TECTA: variants seen among roughly 807,000 people sequenced by gnomAD.
The protein encoded by TECTA is tectorin alpha.
Under a neutral mutation model 216.8 loss-of-function variants are expected in TECTA, and 128 were observed. The observed-to-expected ratio is 0.59, with a 90% CI of 0.51 to 0.68. TECTA has a LOEUF of 0.68. Among genes scored for constraint, TECTA ranks in the 30% least tolerant of loss-of-function variants. TECTA has a pLI of 0.00. For synonymous variants in TECTA, 1,089 were observed against 1,117.1 expected (o/e 0.97, Z 0.50); for missense variants, 2,551 against 2,786.2 (o/e 0.92, Z 1.90).
Position 121,118,697 on chromosome 11 carries a change from A to G in TECTA, c.1182A>G (p.Lys394=). The G allele has an allele frequency of 6.2e-7, 1 of 1,613,874 alleles. No individual in the cohort carries two copies. Among genetic ancestry groups the G allele is most frequent in the Non-Finnish European group, 8.5e-7 (1 of 1,180,034 alleles). ...ATGGCTACAAGATTCTCATCCCCAA[A>G]GGAAGCTATGGAAGAGTCAAGGTGA... The part of the protein sequence containing the change: ...EVNGYKILIP[K]GSYGRVKVND... The change falls in exon 7 of 24, where the codon AAA becomes AAG. Residue 394 remains lysine, a synonymous_variant. Transcript: ENST00000392793.
At chr11:121,172,995 A>C (rs1273460829) in intron 20 of TECTA, among the ~76,000 whole-genome samples, 1 of 149,802 alleles carries the variant, frequency 6.7e-6, no homozygotes, top group Non-Finnish European at 1.5e-5. Flanking sequence ...TTCTTTTGAG[A>C]AGTGTCTGTT....
Position 121,158,006 on chromosome 11 carries a change from G to A in TECTA, c.4471G>A (p.Gly1491Ser), listed in dbSNP as rs727503463. 6.2e-6 allele frequency: 10 copies of A among 1,612,748 alleles called. No individual in the cohort carries two copies. The highest frequency in any genetic ancestry group is 2.7e-5 in the African/African-American group (2 of 74,924). The change falls in exon 14 of 24, where the codon GGC becomes AGC. Residue 1491 changes from glycine (G) to serine (S), a missense_variant. Transcript: ENST00000392793. ...CAAGACCTCCTACTGCCTGGCGGCCGGCGGCGGCGTCTTCCGCACCTTCGA... is the reference window on the plus strand; with the variant it reads ...CAAGACCTCCTACTGCCTGGCGGCCAGCGGCGGCGTCTTCCGCACCTTCGA... ...STKTSYCLAA[G>S]GGVFRTFDGA...
Position 121,113,217 on chromosome 11 carries a change from G to C in TECTA, c.624+8G>C. The C allele has an allele frequency of 1.9e-6, 3 of 1,613,884 alleles. No homozygotes were observed. The highest frequency in any genetic ancestry group is 2.5e-6 in the Non-Finnish European group (3 of 1,179,982). ...GGTGGAGTGATGGCACAGGTAGGTGGCTCTCCACTTCATCCCCCGCGTGTT... is the reference window on the plus strand; with the variant it reads ...GGTGGAGTGATGGCACAGGTAGGTGCCTCTCCACTTCATCCCCCGCGTGTT... On this transcript the variant is annotated splice_region_variant and intron_variant, in intron 5 of 23. Coordinates refer to ENST00000392793, the MANE Select transcript of TECTA (RefSeq NM_005422.4). This position sits in a 1 kb window ranked among gnomAD's most constrained non-coding sequence, Gnocchi z 4.2.
rs149546608 is a variant in TECTA at position 121,130,171 on chromosome 11, G to A, written c.2901G>A (p.Ala967=). Residue 967 remains alanine (A), a synonymous_variant, in exon 10 of 24, where the codon GCG becomes GCA. Coordinates refer to ENST00000392793, the MANE Select transcript of TECTA (RefSeq NM_005422.4). The stretch of plus-strand genomic sequence containing the variant: ...GGTATGCAAGCGCCTGCAAGAATGC[G>A]GACGTGGAGGTGGGGCCCTGGCGGA... The part of the protein sequence containing the change: ...VARYASACKN[A]DVEVGPWRTY... The A allele has an allele frequency of 1.8e-5, 29 of 1,603,750 alleles. No individual in the cohort carries two copies. Among genetic ancestry groups the A allele is most frequent in the East Asian group, 2.2e-5 (1 of 44,892 alleles).
rs779114793 is a variant in TECTA, at chr11:121,190,698, G to C, written c.6368-8G>C. 1 of 1,609,904 alleles carries C rather than the reference G, an allele frequency of 6.2e-7. No homozygotes were observed. Among genetic ancestry groups the C allele is most frequent in the Non-Finnish European group, 8.5e-7 (1 of 1,176,534 alleles). ...CATAGGGCTTACTGTGTTCCTCTCT[G>C]TTTACAGCCTCTAATTCTTCAATGG... On this transcript the variant is annotated splice_region_variant and splice_polypyrimidine_tract_variant and intron_variant, in intron 23 of 23. Coordinates refer to ENST00000392793, the MANE Select transcript of TECTA (RefSeq NM_005422.4).
chr11:121,171,355 G>A (rs1388504329), intron 20 of TECTA, among the ~76,000 whole-genome samples: 1 of 152,128 alleles, frequency 6.6e-6, no homozygotes, highest in Non-Finnish European at 1.5e-5. Context: ...AAGTCAGGTA[G>A]TGTGATGTCT....
intron 12 of TECTA, among the ~76,000 whole-genome samples, chr11:121,150,466 C>T (rs1946878664): frequency 2.0e-5 from 3 of 151,948 alleles, no homozygotes; most frequent in Admixed American, 2.0e-4. Flanking sequence ...ACAAATTATC[C>T]AAGGCTAAAA....
Position 121,129,953 on chromosome 11 carries a change from G to A in TECTA, c.2683G>A (p.Ala895Thr). The stretch of plus-strand genomic sequence containing the variant: ...TGGAGAGTGTGGGGACCTGCTGAAG[G>A]CCTGCAACAATGACTCGGAGCTGCT... ...CNGECGDLLK[A>T]CNNDSELLKF... is the part of the protein sequence containing the mutation. Residue 895 changes from alanine (A) to threonine (T), a missense_variant, in exon 10 of 24, where the codon GCC (alanine) becomes ACC (threonine). By Grantham distance (58) the Ala-to-Thr change is moderately conservative. Transcript: ENST00000392793. 1 of 1,607,512 alleles carries A rather than the reference G, an allele frequency of 6.2e-7. No individual in the cohort carries two copies. The highest frequency in any genetic ancestry group is 8.5e-7 in the Non-Finnish European group (1 of 1,175,534).
chr11:121,172,813 A>G (rs11218178), intron 20 of TECTA, among the ~76,000 whole-genome samples: 30,130 of 151,688 alleles, frequency 0.2, 3,357 homozygotes, highest in Non-Finnish European at 0.25. Context: ...CAACAGTGTA[A>G]AAGTGTTCCT....
intron 8 of TECTA, among the ~76,000 whole-genome samples, chr11:121,126,931 T>C (rs1199519746): frequency 6.6e-6 from 1 of 152,226 alleles, no homozygotes; most frequent in African/African-American, 2.4e-5. Context: ...GCCACAGATA[T>C]ATATTTTCTA....
chr11:121,170,179 G>C (rs1947096826), intron 20 of TECTA, among the ~76,000 whole-genome samples: 1 of 152,014 alleles, frequency 6.6e-6, no homozygotes, highest in African/African-American at 2.4e-5. Context: ...GCAAATGATA[G>C]GATTTCATTT....
At chr11:121,188,932 A>G (rs1036232102) in intron 21 of TECTA, 148 bp from the exon 22 acceptor site, 8 of 751,776 alleles carry the variant, frequency 1.1e-5, no homozygotes, top group Admixed American at 4.0e-5. Flanking sequence ...AGTGGATTCA[A>G]TGATCAAGAA....
rs1946633603 is a variant in TECTA at position 121,128,147 on chromosome 11, T to G, written c.2170T>G (p.Phe724Val). Residue 724 changes from phenylalanine to valine, a missense_variant, in exon 9 of 24, where the codon TTT becomes GTT. This residue lies in a region of TECTA where 2,375 missense variants were observed against 2,563.9 expected (regional missense o/e 0.93). Coordinates refer to ENST00000392793, the MANE Select transcript of TECTA (RefSeq NM_005422.4). ...CAGCCAGAACCAGGTGCTGCACACC[T>G]TTGACGGCGCCTCCTACGCCTTCCC... The part of the protein sequence containing the change: ...LLSQNQVLHT[F>V]DGASYAFPSE... The G allele has an allele frequency of 1.2e-6, 2 of 1,612,268 alleles. No homozygotes were observed. The highest frequency in any genetic ancestry group is 3.3e-5 in the Admixed American group (2 of 60,034).
chr11:121,188,018 G>C, intron 21 of TECTA, 24 bp downstream of exon 21: 1 of 1,613,838 alleles, frequency 6.2e-7, no homozygotes, highest in Non-Finnish European at 8.5e-7. Flanking sequence ...TGAAAACAAA[G>C]TGCTTAGCCT....
Position 121,105,756 on chromosome 11 carries a change from AGT to A in TECTA, c.65-74_65-73del. The A allele has an allele frequency of 6.3e-7, 1 of 1,596,680 alleles. No individual in the cohort carries two copies. Among genetic ancestry groups the A allele is most frequent in the Non-Finnish European group, 8.5e-7 (1 of 1,170,476 alleles). On this transcript the variant is annotated intron_variant, in intron 2 of 23. Coordinates refer to ENST00000392793, the MANE Select transcript of TECTA (RefSeq NM_005422.4). This position sits in a 1 kb window ranked among gnomAD's most constrained non-coding sequence, Gnocchi z 5.3. ...AGCCCTACTGAAAGAAGCTGGCTTC[AGT>A]AGGTAGGAGAGATGTAGATTGCCAA... is the stretch of plus-strand genomic sequence containing the variant.
intron 20 of TECTA, among the ~76,000 whole-genome samples, chr11:121,173,818 A>G (rs1230895704): frequency 6.6e-6 from 1 of 152,178 alleles, no homozygotes; most frequent in African/African-American, 2.4e-5. Flanking sequence ...CTTCCTACCC[A>G]TGAGCATGAA....
chr11:121,109,243 G>A lies in TECTA; in HGVS notation c.231G>A (p.Val77=), dbSNP rs1292190337. The A allele has an allele frequency of 6.2e-7, 1 of 1,614,150 alleles. No individual in the cohort carries two copies. The highest frequency in any genetic ancestry group is 1.3e-5 in the African/African-American group (1 of 75,038). The change falls in exon 4 of 24, where the codon GTG becomes GTA. Residue 77 remains valine (V), a synonymous_variant. Coordinates refer to ENST00000392793, the MANE Select transcript of TECTA (RefSeq NM_005422.4). ...VNNNGVVSFN[V]LVSQFTPESF... Reference sequence around the variant, plus strand: ...ACAACGGAGTTGTTTCCTTCAATGTGCTAGTGAGCCAGTTCACGCCAGAAT... The same window carrying A: ...ACAACGGAGTTGTTTCCTTCAATGTACTAGTGAGCCAGTTCACGCCAGAAT...
Position 121,125,601 on chromosome 11 carries a change from C to T in TECTA, c.1503C>T (p.Ser501=), listed in dbSNP as rs372728122. The part of the protein sequence containing the change: ...RVYHADWKCD[S]GCVDNCTQCD... ...ACCACGCAGACTGGAAGTGCGACTC[C>T]GGCTGCGTCGACAACTGCACCCAGT... The change falls in exon 8 of 24, where the codon TCC becomes TCT. Residue 501 remains serine (S), a synonymous_variant. Transcript: ENST00000392793. 3.3e-5 allele frequency: 54 copies of T among 1,613,690 alleles called. No individual in the cohort carries two copies. The highest frequency in any genetic ancestry group is 8.8e-5 in the South Asian group (8 of 91,078).
chr11:121,129,805 A>G lies in TECTA; in HGVS notation c.2535A>G (p.Thr845=). The G allele has an allele frequency of 6.2e-7, 1 of 1,614,216 alleles. No individual in the cohort carries two copies. Among genetic ancestry groups the G allele is most frequent in the Non-Finnish European group, 8.5e-7 (1 of 1,180,040 alleles). The change falls in exon 10 of 24, where the codon ACA becomes ACG. Residue 845 remains threonine, a synonymous_variant. Coordinates refer to ENST00000392793, the MANE Select transcript of TECTA (RefSeq NM_005422.4). ...TGTCCACCACATACTTCAATTGCAC[A>G]GGGGGCTTGTGCGGCTTCTACAATG... ...IRLSTTYFNC[T]GGLCGFYNAN...
Sources: gnomAD v4.1 joint callset for allele counts (sites outside exome capture counted in the v4.1 genomes callset) on GRCh38, gnomAD v4.1.1 for gene constraint, gnomAD v4.1.1 regional missense constraint, Gnocchi (gnomAD v3.1) non-coding constraint, MANE v1.5 for transcripts, NCBI Gene and HGNC (gene_info 2026-07-23, HGNC 2026-07-21) for gene names.